The following AGL variants were observed in gnomAD, a reference collection of about 807,000 sequenced individuals.
AGL encodes the protein amylo-alpha-1,6-glucosidase and 4-alpha-glucanotransferase, also known as glycogen debranching enzyme.
Under a neutral mutation model 199.3 loss-of-function variants are expected in AGL, and 128 were observed. That is an observed-to-expected ratio of 0.64 (90% confidence interval 0.56 to 0.74). AGL has a LOEUF of 0.74. Among genes scored for constraint, AGL ranks in the 30% least tolerant of loss-of-function variants. The pLI is 0.00. For synonymous variants in AGL, 584 were observed against 594.7 expected, an observed-to-expected ratio of 0.98 and a Z score of 0.26; for missense variants, 1,809 against 1,820.8, an observed-to-expected ratio of 0.99 and a Z score of 0.12.
Position 99,877,619 on chromosome 1 carries a change from A to T in AGL, c.1424-22A>T, listed in dbSNP as rs1227781513. 6 of 1,611,440 alleles carry T rather than the reference A, an allele frequency of 3.7e-6. No homozygotes were observed. In the Admixed American group the frequency reaches 1.0e-4, roughly 27 times the overall value. On this transcript the variant is annotated intron_variant, in intron 11 of 33. Transcript: ENST00000361915. ...TTCATTTTATTTCTTGAACCATTGA[A>T]AGCAATCTCTTTTCTGAACAGGTTC...
chr1:99,849,633 T>A (rs144311571), upstream of AGL, among the ~76,000 whole-genome samples: 484 of 152,338 alleles, frequency 3.2e-3, 11 homozygotes, highest in Non-Finnish European at 2.1e-3. Flanking sequence ...GTGTCCTGTC[T>A]GTTAGCACTA....
chr1:99,921,585 TC>T lies in AGL; in HGVS notation c.4535del (p.Pro1512LeufsTer35). 6.2e-7 allele frequency: 1 copy of T among 1,613,204 alleles called. No individual in the cohort carries two copies. Among genetic ancestry groups the T allele is most frequent in the South Asian group, 1.1e-5 (1 of 91,048 alleles). Reference protein sequence around the residue: ...ELTNENAQYCPFSCETQAWSI... With the variant: ...ELTNENAQYCXFSCETQAWSI... Reference sequence around the variant, plus strand: ...TGACCAATGAGAATGCCCAGTACTGTCCTTTCAGCTGTGAAACACAAGCCTG... The same window carrying T: ...TGACCAATGAGAATGCCCAGTACTGTCTTTCAGCTGTGAAACACAAGCCTG... On this transcript the variant is annotated frameshift_variant, in exon 34 of 34. Transcript: ENST00000361915. LOFTEE classifies it high-confidence loss of function.
At position 99,881,077 on chromosome 1, in the gene AGL, A is replaced by T. The variant is rs199872681; in HGVS notation, c.1901A>T (p.His634Leu). ...ITHDNECPIVHRSAYDALPST... is the reference protein window; with the variant it reads ...ITHDNECPIVLRSAYDALPST... The stretch of plus-strand genomic sequence containing the variant: ...TGCTTTGTTGTTGTTGTCTTCTAGC[A>T]TAGATCAGCGTATGATGCTCTTCCA... The change falls in exon 15 of 34, where the codon CAT (histidine) becomes CTT (leucine). Residue 634 changes from histidine (H) to leucine (L), a missense_variant and splice_region_variant. Physicochemically the swap from His to Leu is moderately conservative, Grantham distance 99 (BLOSUM62 -3). Transcript: ENST00000361915. The T allele has an allele frequency of 2.5e-6, 4 of 1,613,262 alleles. No individual in the cohort carries two copies. The highest frequency in any genetic ancestry group is 1.7e-5 in the Admixed American group (1 of 60,004).
chr1:99,892,054 A>C (rs1470445212), intron 23 of AGL, among the ~76,000 whole-genome samples: 1 of 152,102 alleles, frequency 6.6e-6, no homozygotes, highest in African/African-American at 2.4e-5. Flanking sequence ...AATTTTTCTA[A>C]TTTTTCATCA....
chr1:99,902,620 T>G, intron 26 of AGL, 63 bp from the exon 27 acceptor site: 2 of 1,292,234 alleles, frequency 1.5e-6, no homozygotes, highest in Non-Finnish European at 1.1e-6. Context: ...AGTTGTCGGA[T>G]TTGGGGGAAA....
chr1:99,851,160 T>C, intron 2 of AGL, 36 bp downstream of exon 2: 2 of 1,549,232 alleles, frequency 1.3e-6, no homozygotes, highest in Non-Finnish European at 1.8e-6. Flanking sequence ...CTCATTTGCG[T>C]CTTTTAAACT....
rs575551045 is a variant in AGL, at chr1:99,892,486, A to C, written c.3138A>C (p.Gln1046His). ...FVKHLSLGSVQLCGVGKFPSL... is the reference protein window; with the variant it reads ...FVKHLSLGSVHLCGVGKFPSL... ...AACACCTTTCATTGGGTTCAGTTCA[A>C]CTGTGTGGAGTAGGAAAATTCCCTT... Residue 1046 changes from glutamine (Q) to histidine (H), a missense_variant, in exon 24 of 34, where the codon CAA (glutamine) becomes CAC (histidine). Physicochemically the swap from Gln to His is conservative, Grantham distance 24. Coordinates refer to ENST00000361915, the MANE Select transcript of AGL (RefSeq NM_000642.3). The C allele has an allele frequency of 6.2e-7, 1 of 1,613,552 alleles. No homozygotes were observed.
In AGL at chr1:99,850,964, T is replaced by G; in HGVS notation, c.-68-11T>G. The G allele has an allele frequency of 8.3e-7, 1 of 1,199,242 alleles. No homozygotes were observed. Among genetic ancestry groups the G allele is most frequent in the Non-Finnish European group, 1.2e-6 (1 of 804,556 alleles). The allele number at this position is 1,199,242 out of a possible 1,614,324, so 74.3% of individuals were successfully genotyped here. ...TTATTTTCGATATTTTAACTCCTTT[T>G]TGTTTCATAGGGGTAACTCATTCGA... On this transcript the variant is annotated splice_polypyrimidine_tract_variant and intron_variant, in intron 1 of 33. Coordinates refer to ENST00000361915, the MANE Select transcript of AGL (RefSeq NM_000642.3).
intron 17 of AGL, 40 bp downstream of exon 17, chr1:99,881,731 T>C: frequency 6.7e-7 from 1 of 1,491,214 alleles, no homozygotes; most frequent in Non-Finnish European, 9.2e-7. Context: ...TTGTATTATA[T>C]TATTATATTA....
intron 21 of AGL, among the ~76,000 whole-genome samples, chr1:99,890,319 A>T (rs1652779550): frequency 1.3e-5 from 2 of 150,912 alleles, no homozygotes; most frequent in African/African-American, 4.8e-5. Flanking sequence ...TTTACCGAGC[A>T]TTATCTGCTG....
At chr1:99,881,213 C>T in intron 15 of AGL, 36 bp downstream of exon 15, 1 of 1,612,134 alleles carries the variant, frequency 6.2e-7, no homozygotes. Context: ...ACCTACATGG[C>T]CAACAACTTT....
intron 5 of AGL, among the ~76,000 whole-genome samples, chr1:99,867,550 AT>A (rs970602984): frequency 6.8e-5 from 10 of 147,848 alleles, no homozygotes; most frequent in East Asian, 4.0e-4. Flanking sequence ...TTTTTTTTTA[AT>A]TTTTTTTTCT....
intron 2 of AGL, chr1:99,852,645 G>A (rs761128476): frequency 1.3e-6 from 1 of 765,576 alleles, no homozygotes; most frequent in Non-Finnish European, 2.4e-6. Flanking sequence ...GAAAGTACTG[G>A]GATTACAAGC....
intron 27 of AGL, among the ~76,000 whole-genome samples, chr1:99,909,239 G>A (rs561383443): frequency 2.8e-4 from 42 of 152,140 alleles, no homozygotes; most frequent in Non-Finnish European, 4.4e-4. Flanking sequence ...ACATCATGCA[G>A]CAGGGGTGGG....
intron 28 of AGL, among the ~76,000 whole-genome samples, chr1:99,911,112 C>T (rs949607431): frequency 2.6e-4 from 40 of 152,170 alleles, no homozygotes; most frequent in African/African-American, 9.2e-4. Flanking sequence ...TTCATTATCC[C>T]AGTGGTTAAG....
At chr1:99,913,025 C>T (rs1309123357) in intron 29 of AGL, among the ~76,000 whole-genome samples, 3 of 152,032 alleles carry the variant, frequency 2.0e-5, no homozygotes, top group Non-Finnish European at 4.4e-5. Flanking sequence ...GAGTTTGAGA[C>T]CATCCTGGGC....
chr1:99,906,969 A>G (rs1201261309), intron 27 of AGL, among the ~76,000 whole-genome samples: 1 of 152,174 alleles, frequency 6.6e-6, no homozygotes, highest in Non-Finnish European at 1.5e-5. Flanking sequence ...AATGGCTGCA[A>G]CATTTACATT....
chr1:99,877,657 A>G lies in AGL; in HGVS notation c.1440A>G (p.Leu480=), dbSNP rs1012286863. The G allele has an allele frequency of 8.7e-6, 14 of 1,613,870 alleles. No homozygotes were observed. Among genetic ancestry groups the G allele is most frequent in the Non-Finnish European group, 1.1e-5 (13 of 1,179,946 alleles). The part of the protein sequence containing the change: ...NFAEPGSEVY[L]RRELICWGDS... Reference sequence around the variant, plus strand: ...TCTGAACAGGTTCAGAAGTTTACCTAAGGAGAGAACTTATTTGCTGGGGAG... The same window carrying G: ...TCTGAACAGGTTCAGAAGTTTACCTGAGGAGAGAACTTATTTGCTGGGGAG... Residue 480 remains leucine, a synonymous_variant, in exon 12 of 34, where the codon CTA becomes CTG. Transcript: ENST00000361915.
chr1:99,865,604 T>A (rs916924768), intron 5 of AGL, among the ~76,000 whole-genome samples: 1 of 152,236 alleles, frequency 6.6e-6, no homozygotes, highest in African/African-American at 2.4e-5. Context: ...CATCAGCAGC[T>A]TTGGGTTTAA....
Sources: gnomAD v4.1 joint callset for allele counts (sites outside exome capture counted in the v4.1 genomes callset) on GRCh38, gnomAD v4.1.1 for gene constraint, MANE v1.5 for transcripts, NCBI Gene and HGNC (gene_info 2026-07-23, HGNC 2026-07-21) for gene names.